The following LDLRAD3 variants were observed in gnomAD, a reference collection of about 807,000 sequenced individuals.
LDLRAD3 encodes the protein low density lipoprotein receptor class A domain containing 3.
A neutral mutation model predicts 29.4 loss-of-function variants in LDLRAD3; 20 were observed. That is an observed-to-expected ratio of 0.68 (90% CI 0.48 to 0.99). The LOEUF (loss-of-function observed/expected upper bound fraction) is 0.99. Ranked by LOEUF, LDLRAD3 falls within the 50% of genes least tolerant of loss-of-function variation. LDLRAD3 has a pLI of 0.00. For synonymous variants in LDLRAD3, 157 were observed against 192.7 expected, an observed-to-expected ratio of 0.81 and a Z score of 1.53; for missense variants, 420 against 454.3, an observed-to-expected ratio of 0.92 and a Z score of 0.69.
At chr11:36,017,345 T>A (rs1336956546) in intron 1 of LDLRAD3, among the ~76,000 whole-genome samples, 2 of 152,148 alleles carry the variant, frequency 1.3e-5, no homozygotes, top group African/African-American at 4.8e-5. Context: ...AAGCAGACAT[T>A]ATTGTTCTTT....
intron 2 of LDLRAD3, among the ~76,000 whole-genome samples, chr11:36,036,725 A>G (rs1202333037): frequency 6.6e-6 from 1 of 152,184 alleles, no homozygotes; most frequent in Non-Finnish European, 1.5e-5. Context: ...AGTATTCAGC[A>G]TGGAGTTGGG....
At chr11:36,202,698 C>A (rs1051775954) in intron 4 of LDLRAD3, among the ~76,000 whole-genome samples, 1 of 152,038 alleles carries the variant, frequency 6.6e-6, no homozygotes, top group Admixed American at 6.6e-5. Context: ...ATTATAAGTC[C>A]CCAGTTTAGG....
chr11:36,128,275 A>G (rs1853872009), intron 4 of LDLRAD3, among the ~76,000 whole-genome samples: 1 of 152,058 alleles, frequency 6.6e-6, no homozygotes, highest in Admixed American at 6.5e-5. Flanking sequence ...GGTCTGGCCC[A>G]GGGACAGGGA....
intron 1 of LDLRAD3, among the ~76,000 whole-genome samples, chr11:36,021,286 A>T (rs568362882): frequency 3.3e-4 from 50 of 152,312 alleles, no homozygotes; most frequent in Middle Eastern, 6.8e-3. Flanking sequence ...ACTAGGGAAG[A>T]TATCGCTTGT....
At position 36,229,612 on chromosome 11, in the gene LDLRAD3, C is replaced by CTTTTA; in HGVS notation, c.*215_*216insTTTTA. On this transcript the variant is annotated 3_prime_UTR_variant, in exon 6 of 6. Coordinates refer to ENST00000315571, the MANE Select transcript of LDLRAD3 (RefSeq NM_174902.4). ...ATGATCTGTTGTGCGTCTTTTCTGT[C>CTTTTA]AGGTCACTCTTCCCTTGGGACCCGA... 1 of 471,076 alleles carries CTTTTA rather than the reference C, an allele frequency of 2.1e-6. No individual in the cohort carries two copies. The allele number at this position is 471,076 out of a possible 1,614,324, so 29.2% of individuals were successfully genotyped here. A position where few individuals can be genotyped will look rare whatever the true frequency, so the allele number is the denominator to read the frequency against.
intron 2 of LDLRAD3, among the ~76,000 whole-genome samples, chr11:36,071,515 CACAGT>C (rs1326209267): frequency 6.6e-6 from 1 of 152,122 alleles, no homozygotes; most frequent in African/African-American, 2.4e-5. Flanking sequence ...GATACATAGA[CACAGT>C]AAAGTTACCC....
At chr11:36,099,494 G>A (rs897418083) in intron 4 of LDLRAD3, among the ~76,000 whole-genome samples, 8 of 152,068 alleles carry the variant, frequency 5.3e-5, no homozygotes, top group Non-Finnish European at 1.0e-4. Context: ...GAGATTGTTT[G>A]TCTTGACTTA....
chr11:36,054,711 G>GTGGATGGATGGATGGATGGATGGA (rs71044545), intron 2 of LDLRAD3, among the ~76,000 whole-genome samples: 2 of 146,222 alleles, frequency 1.4e-5, no homozygotes, highest in African/African-American at 5.0e-5. Context: ...GGATGGGTGG[G>GTGGATGGATGGATGGATGGATGGA]TGGATGGATG....
At chr11:36,109,955 CA>C (rs1330033572) in intron 4 of LDLRAD3, 1 of 152,166 alleles carries the variant, frequency 6.6e-6, no homozygotes, top group Non-Finnish European at 1.5e-5. Context: ...GTCCATTTAA[CA>C]GGAAGAATGT....
chr11:36,095,532 T>C (rs2133271018), intron 3 of LDLRAD3, among the ~76,000 whole-genome samples: 1 of 152,348 alleles, frequency 6.6e-6, no homozygotes, highest in Non-Finnish European at 1.5e-5. Flanking sequence ...GAGAGTTCTT[T>C]ATATATTCTT....
chr11:36,172,964 T>C (rs1378097792), intron 4 of LDLRAD3, among the ~76,000 whole-genome samples: 2 of 152,200 alleles, frequency 1.3e-5, no homozygotes, highest in East Asian at 1.9e-4. Flanking sequence ...GCCTGGACTT[T>C]TTTGGTTGGC....
chr11:36,130,630 C>T (rs184516846), intron 4 of LDLRAD3, among the ~76,000 whole-genome samples: 28 of 152,330 alleles, frequency 1.8e-4, no homozygotes, highest in Middle Eastern at 6.8e-3. Context: ...CCCCTGTTCT[C>T]CTCAACCCTG....
In LDLRAD3 at chr11:35,993,307, A is replaced by G. The variant is rs149089501; in HGVS notation, c.47-42796A>G. Among the ~76,000 whole-genome samples, 19 of 152,302 alleles carry G rather than the reference A, an allele frequency of 1.2e-4. No homozygotes were observed. The East Asian group carries it at 3.7e-3, about 29-fold the overall frequency. ...CACCTATAGTGTGAATTGCTTAGGG[A>G]AGCTCAGGGCACAGAGAAGGGCTGG... is the stretch of plus-strand genomic sequence containing the variant. On this transcript the variant is annotated intron_variant, in intron 1 of 5. Transcript: ENST00000315571.
chr11:36,160,214 T>C (rs945329677), intron 4 of LDLRAD3, among the ~76,000 whole-genome samples: 6 of 152,280 alleles, frequency 3.9e-5, no homozygotes, highest in African/African-American at 1.2e-4. Flanking sequence ...GCTTGCTGTT[T>C]TGTGGGACGT....
intron 2 of LDLRAD3, among the ~76,000 whole-genome samples, chr11:36,076,267 G>A (rs958959744): frequency 6.0e-5 from 8 of 134,448 alleles, no homozygotes; most frequent in African/African-American, 2.9e-5. Flanking sequence ...CATCCATCCT[G>A]TCTGTCTAAT....
chr11:36,054,918 ACATGGATGCATG>A (rs1852590733), intron 2 of LDLRAD3, among the ~76,000 whole-genome samples: 1 of 121,510 alleles, frequency 8.2e-6, no homozygotes, highest in African/African-American at 3.2e-5. Context: ...GATGATGGAT[ACATGGATGCATG>A]GATGGATGGA....
chr11:36,227,312 C>A lies in LDLRAD3; in HGVS notation c.682C>A (p.His228Asn), dbSNP rs1855513987. 18 of 1,614,024 alleles carry A rather than the reference C, an allele frequency of 1.1e-5. No individual in the cohort carries two copies. Among genetic ancestry groups the A allele is most frequent in the Non-Finnish European group, 1.4e-5 (17 of 1,179,990 alleles). Residue 228 changes from histidine to asparagine, a missense_variant, in exon 5 of 6, where the codon CAC (histidine) becomes AAC (asparagine). Coordinates refer to ENST00000315571, the MANE Select transcript of LDLRAD3 (RefSeq NM_174902.4). ...SRLVVLDHPH[H>N]CNVTYNVNNG... ...CCTGGTGGTCCTGGACCACCCCCAC[C>A]ACTGCAACGTCACCTACAACGTCAA...
intron 1 of LDLRAD3, among the ~76,000 whole-genome samples, chr11:35,999,720 G>T (rs957274851): frequency 8.5e-5 from 13 of 152,308 alleles, no homozygotes; most frequent in Admixed American, 5.9e-4. Context: ...AGCTCCACGT[G>T]TGTCACTGGC....
At chr11:36,109,742 A>G (rs755973193) in intron 4 of LDLRAD3, among the ~76,000 whole-genome samples, 24 of 110,038 alleles carry the variant, frequency 2.2e-4, no homozygotes, top group Middle Eastern at 4.7e-3. Context: ...ATGGATGGAA[A>G]AAGCTTTATA....
Sources: gnomAD v4.1 joint callset for allele counts (sites outside exome capture counted in the v4.1 genomes callset) on GRCh38, gnomAD v4.1.1 for gene constraint, MANE v1.5 for transcripts, NCBI Gene and HGNC (gene_info 2026-07-23, HGNC 2026-07-21) for gene names.